Variants in DGKI observed in about 807,000 individuals in gnomAD.
DGKI encodes diacylglycerol kinase iota.
In DGKI, 55 loss-of-function variants were observed where a neutral mutation model predicts 147.5. That is an observed-to-expected ratio of 0.37 (90% CI 0.30 to 0.47). The LOEUF (loss-of-function observed/expected upper bound fraction) is 0.47. DGKI is among the 20% of genes least tolerant of loss of function. The probability of loss-of-function intolerance (pLI) is 1.00; values close to 1 mark genes in which losing one functional copy is unlikely to be tolerated. For synonymous variants in DGKI, 469 were observed against 477.1 expected (o/e 0.98, Z 0.22); for missense variants, 1,007 against 1,323.8 (o/e 0.76, Z 3.71).
intron 11 of DGKI, among the ~76,000 whole-genome samples, chr7:137,598,809 AT>A (rs1819886280): frequency 6.6e-6 from 1 of 152,164 alleles, no homozygotes; most frequent in Admixed American, 6.5e-5. Context: ...AAAATGGCAC[AT>A]CCCAGGATAG....
At chr7:137,503,663 T>C (rs993861027) in intron 21 of DGKI, among the ~76,000 whole-genome samples, 1 of 152,126 alleles carries the variant, frequency 6.6e-6, no homozygotes, top group African/African-American at 2.4e-5. Context: ...TTCAGGAAAA[T>C]TACGATTCCA....
intron 1 of DGKI, among the ~76,000 whole-genome samples, chr7:137,734,198 G>A (rs6467715): frequency 6.6e-6 from 1 of 151,804 alleles, no homozygotes; most frequent in Non-Finnish European, 1.5e-5. Flanking sequence ...GAAGTATTGG[G>A]GAGTCTAATT....
At chr7:137,686,475 A>G (rs903794928) in intron 2 of DGKI, among the ~76,000 whole-genome samples, 6 of 152,256 alleles carry the variant, frequency 3.9e-5, no homozygotes, top group African/African-American at 1.4e-4. Context: ...AAAAATCTTC[A>G]AAGAATGAGC....
intron 1 of DGKI, among the ~76,000 whole-genome samples, chr7:137,713,231 ACTGCAGGACCC>A (rs943334008): frequency 2.6e-5 from 4 of 152,152 alleles, no homozygotes; most frequent in African/African-American, 9.7e-5. Context: ...CACAGAACCA[ACTGCAGGACCC>A]CTGCTCAAAT....
chr7:137,574,721 T>C (rs1818912240), intron 17 of DGKI, among the ~76,000 whole-genome samples: 1 of 152,160 alleles, frequency 6.6e-6, no homozygotes, highest in Non-Finnish European at 1.5e-5. Flanking sequence ...CAAAGGGACA[T>C]ATTTGCATCC....
At chr7:137,413,694 C>G (rs187621395) in intron 28 of DGKI, among the ~76,000 whole-genome samples, 2 of 152,112 alleles carry the variant, frequency 1.3e-5, no homozygotes, top group African/African-American at 4.8e-5. Flanking sequence ...CTGATAGGCA[C>G]CTATGTTGAT....
At chr7:137,674,510 A>C (rs1354141515) in intron 3 of DGKI, among the ~76,000 whole-genome samples, 1 of 152,186 alleles carries the variant, frequency 6.6e-6, no homozygotes, top group African/African-American at 2.4e-5. Context: ...AACAGCAGCC[A>C]CTTTCACCCT....
intron 19 of DGKI, among the ~76,000 whole-genome samples, chr7:137,570,232 G>A (rs1393399639): frequency 6.6e-6 from 1 of 152,128 alleles, no homozygotes; most frequent in Non-Finnish European, 1.5e-5. Context: ...CACAAGAAAT[G>A]ATAAGCATAA....
chr7:137,424,322 G>A (rs1024057321), intron 28 of DGKI, among the ~76,000 whole-genome samples: 43 of 152,258 alleles, frequency 2.8e-4, no homozygotes, highest in African/African-American at 1.0e-3. Context: ...TTATTGTCCA[G>A]TTGATAGGAA....
chr7:137,425,648 T>G (rs1302732114), intron 28 of DGKI, among the ~76,000 whole-genome samples: 4 of 152,056 alleles, frequency 2.6e-5, no homozygotes, highest in Non-Finnish European at 1.5e-5. Flanking sequence ...TTAAAAACTT[T>G]GAAAAAAATT....
intron 20 of DGKI, among the ~76,000 whole-genome samples, chr7:137,551,124 A>C (rs1414506396): frequency 6.6e-6 from 1 of 152,218 alleles, no homozygotes; most frequent in African/African-American, 2.4e-5. Flanking sequence ...ACACCTCTGG[A>C]AAATGATCTA....
intron 27 of DGKI, among the ~76,000 whole-genome samples, chr7:137,461,604 G>C (rs1814445374): frequency 2.0e-5 from 3 of 152,166 alleles, no homozygotes; most frequent in Non-Finnish European, 4.4e-5. Flanking sequence ...TTATTATGCT[G>C]TGTCTTCTAT....
At chr7:137,450,080 G>C (rs923779788) in intron 27 of DGKI, among the ~76,000 whole-genome samples, 7 of 151,446 alleles carry the variant, frequency 4.6e-5, no homozygotes, top group African/African-American at 1.7e-4. Flanking sequence ...CTAAAATGTT[G>C]ATTTCACAGA....
intron 27 of DGKI, among the ~76,000 whole-genome samples, chr7:137,450,078 T>C (rs1682459481): frequency 6.6e-6 from 1 of 151,544 alleles, no homozygotes; most frequent in African/African-American, 2.4e-5. Context: ...ATCTAAAATG[T>C]TGATTTCACA....
At chr7:137,472,356 A>ATATATACATAATATTATATG (rs1814989689) in intron 23 of DGKI, among the ~76,000 whole-genome samples, 1 of 5,984 alleles carries the variant, frequency 1.7e-4, no homozygotes, top group African/African-American at 3.4e-4. Flanking sequence ...TATTATATGT[A>ATATATACATAATATTATATG]TATATACATA....
intron 10 of DGKI, among the ~76,000 whole-genome samples, chr7:137,600,642 T>A (rs776695529): frequency 4.6e-5 from 7 of 152,226 alleles, no homozygotes; most frequent in Admixed American, 3.3e-4. Context: ...TAATTTTCAC[T>A]TTATTGTACA....
chr7:137,617,950 G>A (rs1398503136), intron 8 of DGKI, among the ~76,000 whole-genome samples: 7 of 150,232 alleles, frequency 4.7e-5, no homozygotes. Context: ...TTCTTCATTT[G>A]CTTGAAAATT....
intron 29 of DGKI, among the ~76,000 whole-genome samples, chr7:137,408,951 T>C (rs1812062009): frequency 6.6e-6 from 1 of 152,116 alleles, no homozygotes; most frequent in Non-Finnish European, 1.5e-5. Context: ...TCTCAAGAAG[T>C]TAGATGGCAC....
chr7:137,576,748 G>T (rs553096039), intron 17 of DGKI, among the ~76,000 whole-genome samples: 1 of 152,096 alleles, frequency 6.6e-6, no homozygotes, highest in Non-Finnish European at 1.5e-5. Context: ...TCAACACTTC[G>T]TTCTAAAATG....
Sources: gnomAD v4.1 joint callset for allele counts (sites outside exome capture counted in the v4.1 genomes callset) on GRCh38, gnomAD v4.1.1 for gene constraint, MANE v1.5 for transcripts, NCBI Gene and HGNC (gene_info 2026-07-23, HGNC 2026-07-21) for gene names.